The following CWC27 variants were observed in gnomAD, a reference collection of about 807,000 sequenced individuals.
CWC27 encodes spliceosome-associated protein CWC27 homolog.
Under a neutral mutation model 63.6 loss-of-function variants are expected in CWC27, and 47 were observed. The ratio of observed to expected loss-of-function variants is 0.74; its 90% CI spans 0.58 to 0.94. The LOEUF (loss-of-function observed/expected upper bound fraction) is 0.94, where lower values mean the gene tolerates loss of function less well. CWC27 is among the 40% of genes least tolerant of loss of function. The pLI, the probability that CWC27 is intolerant of heterozygous loss-of-function variation, is 0.00. For missense variants in CWC27, 495 were observed against 554.3 expected, an observed-to-expected ratio of 0.89 and a Z score of 1.07; for synonymous variants, 175 against 179.8, an observed-to-expected ratio of 0.97 and a Z score of 0.22.
chr5:64,840,385 A>AT (rs1745784776), intron 10 of CWC27, among the ~76,000 whole-genome samples: 13 of 69,476 alleles, frequency 1.9e-4, no homozygotes, highest in Non-Finnish European at 2.7e-4. Context: ...AAAAAAAAAA[A>AT]AAAAAAAAAA....
intron 10 of CWC27, among the ~76,000 whole-genome samples, chr5:64,876,323 A>G (rs973712511): frequency 6.6e-6 from 1 of 152,244 alleles, no homozygotes; most frequent in Non-Finnish European, 1.5e-5. Flanking sequence ...CTGTTTCACT[A>G]CAAACAGATT....
At chr5:64,983,220 T>C (rs1749359880) in intron 13 of CWC27, among the ~76,000 whole-genome samples, 1 of 150,098 alleles carries the variant, frequency 6.7e-6, no homozygotes. Flanking sequence ...CAACATACTT[T>C]AATTTAAAAA....
intron 10 of CWC27, among the ~76,000 whole-genome samples, chr5:64,880,452 A>G (rs1207501941): frequency 6.6e-6 from 1 of 151,940 alleles, no homozygotes; most frequent in Non-Finnish European, 1.5e-5. Flanking sequence ...CATTAAAAAG[A>G]TTATTGAGGG....
At chr5:64,807,981 T>C in intron 10 of CWC27, 2 of 1,408,830 alleles carry the variant, frequency 1.4e-6, no homozygotes, top group South Asian at 1.6e-5. Flanking sequence ...GGCCATCTAG[T>C]TGATAATCGA....
At chr5:64,997,092 A>G (rs1164552753) in intron 13 of CWC27, among the ~76,000 whole-genome samples, 1 of 152,178 alleles carries the variant, frequency 6.6e-6, no homozygotes, top group Admixed American at 6.6e-5. Flanking sequence ...TTATTTGAAG[A>G]ATTAAAATTC....
chr5:65,011,257 A>G (rs967872814), intron 13 of CWC27, among the ~76,000 whole-genome samples: 11 of 152,182 alleles, frequency 7.2e-5, no homozygotes, highest in Non-Finnish European at 1.5e-4. Context: ...CGCCACCTTC[A>G]AGAGCACCTG....
At chr5:64,960,417 A>G (rs555793853) in intron 11 of CWC27, among the ~76,000 whole-genome samples, 1 of 152,296 alleles carries the variant, frequency 6.6e-6, no homozygotes, top group Admixed American at 6.5e-5. Context: ...AAGATTAAAC[A>G]AGTAACTCAG....
chr5:65,012,253 T>C (rs775737410), intron 13 of CWC27, among the ~76,000 whole-genome samples: 7 of 152,196 alleles, frequency 4.6e-5, no homozygotes, highest in Non-Finnish European at 1.0e-4. Context: ...TCTGAAGACA[T>C]AGAAGAAAGT....
At chr5:64,960,078 CATT>C (rs1748878681) in intron 11 of CWC27, among the ~76,000 whole-genome samples, 1 of 152,070 alleles carries the variant, frequency 6.6e-6, no homozygotes, top group East Asian at 1.9e-4. Context: ...TTTTTCCCCT[CATT>C]ATCCATTAAA....
chr5:64,884,059 A>G (rs6897941), intron 10 of CWC27: 59,529 of 151,818 alleles, frequency 0.39, 12,650 homozygotes, highest in African/African-American at 0.55. Context: ...TGTTGCTAGC[A>G]AGTTCTTCCA....
At chr5:64,807,074 A>G (rs1744703305) in intron 10 of CWC27, among the ~76,000 whole-genome samples, 1 of 152,270 alleles carries the variant, frequency 6.6e-6, no homozygotes, top group African/African-American at 2.4e-5. Context: ...ATCATTATCT[A>G]TTCAAAAATG....
At chr5:64,814,672 AGAG>A (rs1312915511) in intron 10 of CWC27, among the ~76,000 whole-genome samples, 1 of 152,200 alleles carries the variant, frequency 6.6e-6, no homozygotes, top group Non-Finnish European at 1.5e-5. Context: ...CAGAGCCTAG[AGAG>A]GGGTTGGCCA....
chr5:64,831,506 A>G (rs578260779), intron 10 of CWC27, among the ~76,000 whole-genome samples: 74 of 151,966 alleles, frequency 4.9e-4, no homozygotes, highest in African/African-American at 1.7e-3. Context: ...AGATAGATAG[A>G]TAGATAGACA....
intron 10 of CWC27, among the ~76,000 whole-genome samples, chr5:64,869,032 A>AT (rs529003432): frequency 1.9e-3 from 294 of 152,198 alleles, no homozygotes; most frequent in African/African-American, 6.6e-3. Context: ...GACTTGGAAC[A>AT]TTTTTGGAAT....
At chr5:64,864,942 T>G (rs1324529559) in intron 10 of CWC27, among the ~76,000 whole-genome samples, 1 of 152,118 alleles carries the variant, frequency 6.6e-6, no homozygotes, top group African/African-American at 2.4e-5. Flanking sequence ...CAATGCATTA[T>G]TATTAACCAT....
intron 7 of CWC27, among the ~76,000 whole-genome samples, chr5:64,799,285 C>G (rs548987483): frequency 1.1e-4 from 16 of 152,170 alleles, no homozygotes; most frequent in Admixed American, 2.6e-4. Flanking sequence ...GTGCCTAGCA[C>G]AAAGAATATA....
At chr5:64,977,298 A>G (rs1749244684) in intron 13 of CWC27, 60 bp downstream of exon 13, 5 of 1,134,442 alleles carry the variant, frequency 4.4e-6, no homozygotes, top group Non-Finnish European at 6.4e-6. Context: ...CAGAGACACT[A>G]CTGGGGCATT....
chr5:64,872,618 C>T (rs1746698691), intron 10 of CWC27, among the ~76,000 whole-genome samples: 1 of 151,910 alleles, frequency 6.6e-6, no homozygotes, highest in South Asian at 2.1e-4. Flanking sequence ...CATTTTTTTA[C>T]ATAATGTTGA....
At chr5:64,831,790 A>G (rs1561426567) in intron 10 of CWC27, among the ~76,000 whole-genome samples, 1 of 151,954 alleles carries the variant, frequency 6.6e-6, no homozygotes, top group Non-Finnish European at 1.5e-5. Context: ...TTAGAAAAAA[A>G]TAACCATTTT....
Sources: allele counts gnomAD v4.1 joint callset (sites outside exome capture counted in the v4.1 genomes callset), GRCh38; gene constraint gnomAD v4.1.1; transcripts MANE v1.5; gene names NCBI Gene and HGNC (gene_info 2026-07-23, HGNC 2026-07-21).